The following GTF2F1 variants were observed in gnomAD, a reference collection of about 807,000 sequenced individuals.
GTF2F1 encodes general transcription factor IIF subunit 1, also known as general transcription factor IIF 74 kDa subunit.
In GTF2F1, 39 loss-of-function variants were observed where a neutral mutation model predicts 63.5. The observed-to-expected ratio is 0.61, with a 90% confidence interval of 0.48 to 0.80. The LOEUF (loss-of-function observed/expected upper bound fraction) is 0.80. Ranked by LOEUF, GTF2F1 falls within the 30% of genes least tolerant of loss-of-function variation. GTF2F1 has a pLI of 0.00. For synonymous variants in GTF2F1, 287 were observed against 285.3 expected (o/e 1.01, Z -0.06); for missense variants, 657 against 718.3 (o/e 0.91, Z 0.97).
At chr19:6,389,207 G>A (rs902206077) in intron 4 of GTF2F1, among the ~76,000 whole-genome samples, 1 of 152,110 alleles carries the variant, frequency 6.6e-6, no homozygotes, top group African/African-American at 2.4e-5. Flanking sequence ...CTGCACTCCA[G>A]CCTGGGCGAC....
chr19:6,392,798 C>A (rs145904045), intron 2 of GTF2F1, 59 bp downstream of exon 2: 4 of 1,518,540 alleles, frequency 2.6e-6, no homozygotes, highest in Admixed American at 1.7e-5. Context: ...CTAAGAAGAT[C>A]GTGAAGGTTT....
intron 2 of GTF2F1, 39 bp downstream of exon 2, chr19:6,392,818 G>A (rs146656829): frequency 1.3e-6 from 2 of 1,585,710 alleles, no homozygotes; most frequent in Non-Finnish European, 1.7e-6. Flanking sequence ...TTCATTTTTG[G>A]GGGGTGGAGA....
chr19:6,391,439 G>GTTTTTTTTTT (rs11340944), intron 3 of GTF2F1, among the ~76,000 whole-genome samples: 2 of 87,418 alleles, frequency 2.3e-5, no homozygotes, highest in African/African-American at 6.6e-5. Context: ...TGCCATTTCC[G>GTTTTTTTTTT]TTTTTTTTTT....
Position 6,381,468 on chromosome 19 carries a change from C to T in GTF2F1, c.909G>A (p.Glu303=), listed in dbSNP as rs2091950330. The T allele has an allele frequency of 3.7e-6, 6 of 1,607,808 alleles. No homozygotes were observed. The highest frequency in any genetic ancestry group is 4.2e-6 in the Non-Finnish European group (5 of 1,179,326). ...CACTCTCCTCACTACTGTCGCTCTG[C>T]TCATCGACACCTGGGAGGGGCAGGG... ...QQEEGPKGVD[E]QSDSSEESEE... Residue 303 remains glutamate, a synonymous_variant, in exon 9 of 13, where the codon GAG becomes GAA. Transcript: ENST00000394456. This position sits in a 1 kb window ranked among gnomAD's most constrained non-coding sequence, Gnocchi z 4.1.
In GTF2F1 at chr19:6,387,614, G is replaced by T. The variant is rs1451645597; in HGVS notation, c.327-55C>A. The T allele has an allele frequency of 3.1e-6, 4 of 1,294,948 alleles. No individual in the cohort carries two copies. The South Asian group carries it at 4.9e-5, about 16-fold the overall frequency. The allele number at this position is 1,294,948 out of a possible 1,614,324, so 80.2% of individuals were successfully genotyped here. On this transcript the variant is annotated intron_variant, in intron 4 of 12. Coordinates refer to ENST00000394456, the MANE Select transcript of GTF2F1 (RefSeq NM_002096.3). ...CATAGGGACCAGCCCCAGCCCCCCC[G>T]TGTCCCCCCGGGGCCTGCCTCCTTT... is the stretch of plus-strand genomic sequence containing the variant.
chr19:6,388,015 C>G (rs1291343121), intron 4 of GTF2F1, among the ~76,000 whole-genome samples: 2 of 150,102 alleles, frequency 1.3e-5, no homozygotes, highest in Non-Finnish European at 3.0e-5. Flanking sequence ...CTGCAACCTC[C>G]ACCTCCCGGG....
chr19:6,387,537 C>T lies in GTF2F1; in HGVS notation c.349G>A (p.Gly117Ser), dbSNP rs2091978401. Residue 117 changes from glycine to serine, a missense_variant, in exon 5 of 13, where the codon GGC becomes AGC. This residue lies in a region of GTF2F1 where 602 missense variants were observed against 625.6 expected (regional missense o/e 0.96). Coordinates refer to ENST00000394456, the MANE Select transcript of GTF2F1 (RefSeq NM_002096.3). ...TAGTAGGACGTGTTCTCTGTTACGC[C>T]TCCCTTCTTGATGCCCTTGAACCTG... Reference protein sequence around the residue: ...GRKFKGIKKGGVTENTSYYIF... With the variant: ...GRKFKGIKKGSVTENTSYYIF... The T allele has an allele frequency of 6.2e-7, 1 of 1,614,056 alleles. No individual in the cohort carries two copies. Among genetic ancestry groups the T allele is most frequent in the African/African-American group, 1.3e-5 (1 of 74,938 alleles).
intron 5 of GTF2F1, 35 bp downstream of exon 5, chr19:6,387,354 C>G (rs1025379685): frequency 2.5e-6 from 4 of 1,602,242 alleles, no homozygotes; most frequent in Non-Finnish European, 3.4e-6. Context: ...CCATTTCCCT[C>G]ACTTCTGTCC....
At position 6,391,965 on chromosome 19, in the gene GTF2F1, G is replaced by T. The variant is rs2092000251; in HGVS notation, c.69C>A (p.Thr23=). The T allele has an allele frequency of 6.4e-7, 1 of 1,566,166 alleles. No individual in the cohort carries two copies. Among genetic ancestry groups the T allele is most frequent in the African/African-American group, 1.3e-5 (1 of 74,444 alleles). ...EYVVRVPKNT[T]KKYNIMAFNA... is the part of the protein sequence containing the mutation. The stretch of plus-strand genomic sequence containing the variant: ...TAAAAGCCATGATGTTATATTTTTT[G>T]GTTGTATTCCTGGAGTGGATGAGAA... The change falls in exon 3 of 13, where the codon ACC becomes ACA. Residue 23 remains threonine (T), a synonymous_variant. Transcript: ENST00000394456.
chr19:6,382,909 CT>C (rs1422244792), intron 6 of GTF2F1, among the ~76,000 whole-genome samples: 1 of 151,586 alleles, frequency 6.6e-6, no homozygotes, highest in Admixed American at 6.6e-5. Flanking sequence ...GACTCTCATT[CT>C]TTTTTCTCTG....
intron 5 of GTF2F1, among the ~76,000 whole-genome samples, chr19:6,385,222 C>A (rs2091969568): frequency 6.6e-6 from 1 of 151,652 alleles, no homozygotes. Context: ...TGCTGAAACC[C>A]CTTCTCTACT....
At chr19:6,391,469 T>G (rs1161182877) in intron 3 of GTF2F1, among the ~76,000 whole-genome samples, 1 of 145,422 alleles carries the variant, frequency 6.9e-6, no homozygotes, top group African/African-American at 2.5e-5. Context: ...TTTTTTTTTT[T>G]TGAGGCAGGG....
At chr19:6,382,654 CG>C (rs2145074285) in intron 6 of GTF2F1, among the ~76,000 whole-genome samples, 1 of 150,618 alleles carries the variant, frequency 6.6e-6, no homozygotes, top group African/African-American at 2.4e-5. Flanking sequence ...AAAAATTAGC[CG>C]GGTGTGGTGG....
At position 6,383,415 on chromosome 19, in the gene GTF2F1, T is replaced by G. The variant is rs1238974029; in HGVS notation, c.578A>C (p.Glu193Ala). ...CTTCCTGCGGCCACGTTTCTCCTTC[T>G]CCTCCTCATCCTCGTCCTGGTCCTG... ...KDQDQDEDEEEKEKRGRRKAS... is the reference protein window; with the variant it reads ...KDQDQDEDEEAKEKRGRRKAS... The change falls in exon 6 of 13, where the codon GAG (glutamate) becomes GCG (alanine). Residue 193 changes from glutamate (E) to alanine (A), a missense_variant. Around this residue, in one of 2 missense-constraint regions of GTF2F1, gnomAD observed 602 missense variants for 625.6 expected, o/e 0.96. Coordinates refer to ENST00000394456, the MANE Select transcript of GTF2F1 (RefSeq NM_002096.3). The surrounding 1 kb of genome is among the most constrained non-coding windows in gnomAD (Gnocchi z 4.5). 3 of 1,614,176 alleles carry G rather than the reference T, an allele frequency of 1.9e-6. No homozygotes were observed. Among genetic ancestry groups the G allele is most frequent in the Middle Eastern group, 1.6e-4 (1 of 6,062 alleles).
At position 6,393,080 on chromosome 19, in the gene GTF2F1, C is replaced by A; in HGVS notation, c.-85G>T. On this transcript the variant is annotated 5_prime_UTR_variant, in exon 1 of 13. Coordinates refer to ENST00000394456, the MANE Select transcript of GTF2F1 (RefSeq NM_002096.3). ...TGCGCGTCCCTCGATCCCGGGGAAG[C>A]CGCCGCTCGGTGTCGGGTCTCTGTG... 6.4e-7 allele frequency: 1 copy of A among 1,571,418 alleles called. No homozygotes were observed. The highest frequency in any genetic ancestry group is 8.7e-7 in the Non-Finnish European group (1 of 1,144,432).
At position 6,380,858 on chromosome 19, in the gene GTF2F1, G is replaced by T; in HGVS notation, c.1231+46C>A. 1 of 1,517,312 alleles carries T rather than the reference G, an allele frequency of 6.6e-7. No individual in the cohort carries two copies. 94.0% of individuals were successfully genotyped at this position (1,517,312 alleles called of 1,614,324 possible). A position where few individuals can be genotyped will look rare whatever the true frequency, so the allele number is the denominator to read the frequency against. On this transcript the variant is annotated intron_variant, in intron 11 of 12. Coordinates refer to ENST00000394456, the MANE Select transcript of GTF2F1 (RefSeq NM_002096.3). This position sits in a 1 kb window ranked among gnomAD's most constrained non-coding sequence, Gnocchi z 5.3. ...TCCTGAGCCCCAACAGAGGTCAGGA[G>T]GCTGTGGCTGTGGCTGTGGGGAGCG...
chr19:6,384,395 C>T (rs949376203), intron 5 of GTF2F1, among the ~76,000 whole-genome samples: 8 of 151,966 alleles, frequency 5.3e-5, no homozygotes, highest in African/African-American at 1.9e-4. Flanking sequence ...GTAGTCCTGA[C>T]TACTCAGGAG....
At chr19:6,385,165 C>T (rs777859649) in intron 5 of GTF2F1, among the ~76,000 whole-genome samples, 75 of 151,958 alleles carry the variant, frequency 4.9e-4, no homozygotes, top group Non-Finnish European at 7.5e-4. Context: ...GATGCCAAAG[C>T]GGGCAGATCA....
Position 6,381,380 on chromosome 19 carries a change from G to A in GTF2F1, c.997C>T (p.Gln333Ter). The change falls in exon 9 of 13, where the codon CAG becomes TAG. Residue 333 changes from glutamine (Q) to a stop codon, truncating the protein, a stop_gained. Coordinates refer to ENST00000394456, the MANE Select transcript of GTF2F1 (RefSeq NM_002096.3). LOFTEE classifies it high-confidence loss of function. The surrounding 1 kb of genome is among the most constrained non-coding windows in gnomAD (Gnocchi z 4.1). ...EEEEKKAPTPQEKKRRKDSSE... is the reference protein window; with the variant it reads ...EEEEKKAPTP ...GCACCTTTCCTGCGCTTCTTCTCCT[G>A]CGGGGTGGGTGCCTTCTTCTCCTCC... The A allele has an allele frequency of 6.2e-7, 1 of 1,607,750 alleles. No individual in the cohort carries two copies.
Sources: allele counts gnomAD v4.1 joint callset (sites outside exome capture counted in the v4.1 genomes callset), GRCh38; gene constraint gnomAD v4.1.1; regional missense constraint gnomAD v4.1.1; non-coding constraint Gnocchi (gnomAD v3.1); transcripts MANE v1.5; gene names NCBI Gene and HGNC (gene_info 2026-07-23, HGNC 2026-07-21).